The following SPATA21 variants were observed in gnomAD, a reference collection of about 807,000 sequenced individuals.
The protein encoded by SPATA21 is spermatogenesis associated 21.
SPATA21 carries 47 observed loss-of-function variants against 54.8 expected under a neutral mutation model. The ratio of observed to expected loss-of-function variants is 0.86; its 90% CI spans 0.68 to 1.09. The LOEUF (loss-of-function observed/expected upper bound fraction) is 1.09. SPATA21 is among the 50% of genes least tolerant of loss of function. The pLI is 0.00. For missense variants in SPATA21, 599 were observed against 596.4 expected (o/e 1.00, Z -0.05); for synonymous variants, 245 against 235.3 (o/e 1.04, Z -0.38).
intron 5 of SPATA21, among the ~76,000 whole-genome samples, chr1:16,415,826 G>A (rs2085990152): frequency 6.6e-6 from 1 of 152,116 alleles, no homozygotes; most frequent in Admixed American, 6.6e-5. Context: ...CCAAAGTGCT[G>A]GGATTACAGG....
chr1:16,410,513 C>T (rs971170777), intron 5 of SPATA21, among the ~76,000 whole-genome samples: 1 of 151,738 alleles, frequency 6.6e-6, no homozygotes, highest in African/African-American at 2.4e-5. Flanking sequence ...CAGGTTCAAG[C>T]GATTCTCCTG....
intron 1 of SPATA21, among the ~76,000 whole-genome samples, chr1:16,435,996 T>G (rs906300516): frequency 1.2e-4 from 18 of 152,250 alleles, no homozygotes; most frequent in Middle Eastern, 3.4e-3. Flanking sequence ...CTCACACCTG[T>G]AATCCCAGCA....
At chr1:16,415,103 G>A (rs940686893) in intron 5 of SPATA21, among the ~76,000 whole-genome samples, 11 of 152,100 alleles carry the variant, frequency 7.2e-5, no homozygotes, top group Non-Finnish European at 1.3e-4. Flanking sequence ...TTCGGATGCT[G>A]AGGCAGGTGG....
At position 16,399,643 on chromosome 1, in the gene SPATA21, C is replaced by G. The variant is rs190181978; in HGVS notation, c.1175-122G>C. ...GACCTGAGTGGTTTGGGGCAAGTCA[C>G]TTAACCTCTCTAAGCTTCTGAGCTG... On this transcript the variant is annotated intron_variant, in intron 11 of 12. Transcript: ENST00000335496. 5.6e-5 allele frequency: 62 copies of G among 1,100,220 alleles called. No individual in the cohort carries two copies. The East Asian group carries it at 1.6e-3, about 28-fold the overall frequency. The allele number at this position is 1,100,220 out of a possible 1,614,324, so 68.2% of individuals were successfully genotyped here. A position where few individuals can be genotyped will look rare whatever the true frequency, so the allele number is the denominator to read the frequency against.
At chr1:16,399,299 G>A in intron 12 of SPATA21, 45 bp downstream of exon 12, 3 of 1,544,134 alleles carry the variant, frequency 1.9e-6, no homozygotes, top group Non-Finnish European at 2.6e-6. Context: ...TCTTAAGGAA[G>A]AATCTGGAAG....
downstream of SPATA21, chr1:16,397,682 A>T (rs1320182854): frequency 6.6e-6 from 1 of 152,408 alleles, no homozygotes; most frequent in Non-Finnish European, 1.5e-5. The surrounding 1 kb of genome is among the most constrained non-coding windows in gnomAD (Gnocchi z 5.4). Context: ...TAACCAAAGG[A>T]GCTGGGGGGT....
At chr1:16,425,682 C>A (rs532848023) in intron 3 of SPATA21, 1 of 1,550,246 alleles carries the variant, frequency 6.5e-7, no homozygotes. Flanking sequence ...TCCTGGCCTG[C>A]TTGCAGCTCC....
chr1:16,407,455 T>C (rs1417893487), intron 7 of SPATA21, among the ~76,000 whole-genome samples: 1 of 152,038 alleles, frequency 6.6e-6, no homozygotes, highest in Non-Finnish European at 1.5e-5. Context: ...ATTATTATTA[T>C]TACTATTACT....
chr1:16,425,199 A>G lies in SPATA21; in HGVS notation c.35-3228T>C, dbSNP rs147533049. The G allele has an allele frequency of 4.3e-4, 219 of 504,230 alleles. 3 individuals carry two copies. Among genetic ancestry groups the G allele is most frequent in the African/African-American group, 3.8e-3 (200 of 52,178 alleles). The allele number at this position is 504,230 out of a possible 1,614,324, so 31.2% of individuals were successfully genotyped here. ...GTGCTGGGATTAACAGGCGTGAGCC[A>G]CCATGCCCGGCCTGGAAACAAGACT... On this transcript the variant is annotated intron_variant, in intron 3 of 12. Transcript: ENST00000335496.
In SPATA21 at chr1:16,409,300, G is replaced by A. The variant is rs990708393; in HGVS notation, c.588-97C>T. The stretch of plus-strand genomic sequence containing the variant: ...GGGGGAGCCTGCAGGAGGAGGTCGT[G>A]GGGGAGGCTTTGGGGAGCCCGGAGA... On this transcript the variant is annotated intron_variant, in intron 6 of 12. Coordinates refer to ENST00000335496, the MANE Select transcript of SPATA21 (RefSeq NM_198546.1). This position sits in a 1 kb window ranked among gnomAD's most constrained non-coding sequence, Gnocchi z 4.1. 4 of 1,368,190 alleles carry A rather than the reference G, an allele frequency of 2.9e-6. No individual in the cohort carries two copies. Among genetic ancestry groups the A allele is most frequent in the African/African-American group, 1.4e-5 (1 of 69,690 alleles). The allele number at this position is 1,368,190 out of a possible 1,614,324, so 84.8% of individuals were successfully genotyped here.
In SPATA21 at chr1:16,409,324, G is replaced by C; in HGVS notation, c.588-121C>G. On this transcript the variant is annotated intron_variant, in intron 6 of 12. Transcript: ENST00000335496. The surrounding 1 kb of genome is among the most constrained non-coding windows in gnomAD (Gnocchi z 4.1). ...TGGGGGAGGCTTTGGGGAGCCCGGA[G>C]AGATCAAGAATGGCAGGAAAAAGGA... 1 of 1,071,744 alleles carries C rather than the reference G, an allele frequency of 9.3e-7. No individual in the cohort carries two copies. The highest frequency in any genetic ancestry group is 1.4e-5 in the South Asian group (1 of 71,390). The allele number at this position is 1,071,744 out of a possible 1,614,324, so 66.4% of individuals were successfully genotyped here.
chr1:16,418,306 C>T (rs553483548), intron 5 of SPATA21, among the ~76,000 whole-genome samples: 45 of 152,270 alleles, frequency 3.0e-4, no homozygotes, highest in South Asian at 6.2e-4. Context: ...GAGTCTCGCT[C>T]TGTCGCCCAG....
intron 5 of SPATA21, among the ~76,000 whole-genome samples, chr1:16,412,748 CCAT>C (rs1391614490): frequency 3.9e-5 from 6 of 152,132 alleles, no homozygotes; most frequent in African/African-American, 1.4e-4. Flanking sequence ...CAGGCATGAG[CCAT>C]CATATCCAGC....
chr1:16,435,236 C>T (rs1049890579), intron 1 of SPATA21, among the ~76,000 whole-genome samples: 9 of 152,146 alleles, frequency 5.9e-5, no homozygotes, highest in African/African-American at 2.2e-4. Flanking sequence ...TTGCATTTCC[C>T]CAATGGCCGA....
intron 10 of SPATA21, among the ~76,000 whole-genome samples, chr1:16,401,163 G>A (rs1028412713): frequency 2.6e-5 from 4 of 152,206 alleles, no homozygotes; most frequent in African/African-American, 7.2e-5. Flanking sequence ...TCAAGTTTCC[G>A]TTGGGTAAAA....
chr1:16,411,811 A>AAG (rs1557656240), intron 5 of SPATA21, among the ~76,000 whole-genome samples: 3 of 135,990 alleles, frequency 2.2e-5, no homozygotes, highest in Non-Finnish European at 3.1e-5. Context: ...AAAAAAAACA[A>AAG]AACAAAACAA....
intron 10 of SPATA21, among the ~76,000 whole-genome samples, chr1:16,401,231 C>T (rs573062537): frequency 1.3e-5 from 2 of 152,318 alleles, no homozygotes; most frequent in East Asian, 3.9e-4. Context: ...TAACAAGGCC[C>T]ATCAAGCACG....
intron 5 of SPATA21, among the ~76,000 whole-genome samples, chr1:16,418,348 T>C (rs375454803): frequency 1.3e-5 from 2 of 152,172 alleles, no homozygotes; most frequent in African/African-American, 4.8e-5. Context: ...CTCGGCTCAC[T>C]GGAAGCTCTG....
In SPATA21 at chr1:16,419,500, G is replaced by C. The variant is rs186723765; in HGVS notation, c.144+2009C>G. 3.3e-5 allele frequency among the ~76,000 whole-genome samples: 5 copies of C among 152,332 alleles called. No homozygotes were observed. The East Asian group carries it at 7.7e-4, about 23-fold the overall frequency. ...AAAAGGAGGAATCAGAGGTGATTTT[G>C]AGCTGGGTTGCATGAGCCCCTTGGG... On this transcript the variant is annotated intron_variant, in intron 5 of 12. Coordinates refer to ENST00000335496, the MANE Select transcript of SPATA21 (RefSeq NM_198546.1).
Sources: allele counts gnomAD v4.1 joint callset (sites outside exome capture counted in the v4.1 genomes callset), GRCh38; gene constraint gnomAD v4.1.1; non-coding constraint Gnocchi (gnomAD v3.1); transcripts MANE v1.5; gene names NCBI Gene and HGNC (gene_info 2026-07-23, HGNC 2026-07-21).